The following PPFIBP2 variants were observed in gnomAD, a reference collection of about 807,000 sequenced individuals.
PPFIBP2 encodes PPFIB scaffold protein 2, also known as liprin-beta-2.
In PPFIBP2, 118 loss-of-function variants were observed where a neutral mutation model predicts 118.3. That is an observed-to-expected ratio of 1.00 (90% CI 0.86 to 1.16). The LOEUF is 1.16. Ranked by LOEUF, PPFIBP2 falls within the 50% of genes most tolerant of loss-of-function variation. The pLI is 0.00. For missense variants in PPFIBP2, 1,195 were observed against 1,073.1 expected (o/e 1.11, Z -1.59); for synonymous variants, 414 against 397.4 (o/e 1.04, Z -0.50).
intron 1 of PPFIBP2, among the ~76,000 whole-genome samples, chr11:7,533,070 A>C (rs552286520): frequency 6.6e-6 from 1 of 152,104 alleles, no homozygotes; most frequent in Non-Finnish European, 1.5e-5. Context: ...TTCTAAAATA[A>C]TGGAATAGGG....
At chr11:7,641,272 A>T (rs529984824) in intron 15 of PPFIBP2, among the ~76,000 whole-genome samples, 1 of 152,212 alleles carries the variant, frequency 6.6e-6, no homozygotes, top group Admixed American at 6.5e-5. Context: ...GCTCACCTAG[A>T]TTTGAAATAT....
At chr11:7,597,239 C>G (rs1860502093) in intron 4 of PPFIBP2, 1 of 1,529,350 alleles carries the variant, frequency 6.5e-7, no homozygotes, top group Admixed American at 2.0e-5. Flanking sequence ...CGGGGCTGTT[C>G]TGGAAGAGGA....
intron 17 of PPFIBP2, among the ~76,000 whole-genome samples, chr11:7,644,836 G>A (rs1852745424): frequency 1.3e-5 from 2 of 151,404 alleles, no homozygotes; most frequent in African/African-American, 2.4e-5. Flanking sequence ...GACCATCCCG[G>A]CTAAAACGGT....
intron 1 of PPFIBP2, among the ~76,000 whole-genome samples, chr11:7,545,854 G>A (rs1852270452): frequency 6.6e-6 from 1 of 152,176 alleles, no homozygotes; most frequent in African/African-American, 2.4e-5. Flanking sequence ...GTGATTAGAG[G>A]GTTAGAACTT....
At chr11:7,608,541 G>A (rs1260371477) in intron 5 of PPFIBP2, among the ~76,000 whole-genome samples, 2 of 152,238 alleles carry the variant, frequency 1.3e-5, no homozygotes, top group Non-Finnish European at 2.9e-5. Flanking sequence ...TCGGGAGGCT[G>A]AGGCAGGAGA....
intron 5 of PPFIBP2, 198 bp downstream of exon 5, chr11:7,597,871 G>T (rs1860663181): frequency 7.2e-6 from 4 of 552,128 alleles, no homozygotes; most frequent in Non-Finnish European, 1.3e-5. Flanking sequence ...GGTAGGGAAG[G>T]GAAGGGCTGC....
chr11:7,533,208 T>C (rs35811539), intron 1 of PPFIBP2, among the ~76,000 whole-genome samples: 9,580 of 152,142 alleles, frequency 0.063, 469 homozygotes, highest in Admixed American at 0.16. Flanking sequence ...AAGTTCCCCT[T>C]ATGGTAGAGA....
In PPFIBP2 at chr11:7,616,356, G is replaced by A. The variant is rs930804608; in HGVS notation, c.619-4579G>A. ...CTTCTTGATTTTCAAAATGGCAAAA[G>A]TTTGATAGATTCAGTAAATTTTAGT... is the stretch of plus-strand genomic sequence containing the variant. On this transcript the variant is annotated intron_variant, in intron 6 of 23. Transcript: ENST00000299492. The surrounding 1 kb of genome is among the most constrained non-coding windows in gnomAD (Gnocchi z 5.2). 6.6e-6 allele frequency among the ~76,000 whole-genome samples: 1 copy of A among 152,204 alleles called. No homozygotes were observed. Among genetic ancestry groups the A allele is most frequent in the Non-Finnish European group, 1.5e-5 (1 of 68,036 alleles).
chr11:7,610,297 C>A lies in PPFIBP2; in HGVS notation c.493C>A (p.Leu165Ile), dbSNP rs1413509240. 1 of 1,613,914 alleles carries A rather than the reference C, an allele frequency of 6.2e-7. No individual in the cohort carries two copies. Among genetic ancestry groups the A allele is most frequent in the Admixed American group, 1.7e-5 (1 of 60,030 alleles). Reference protein sequence around the residue: ...AAEEMLQQELLSRTSLETQKL... With the variant: ...AAEEMLQQELISRTSLETQKL... ...GATCTGTTTTTGCTTGCAGGAGCTGCTAAGCCGCACATCTCTTGAGACCCA... is the reference window on the plus strand; with the variant it reads ...GATCTGTTTTTGCTTGCAGGAGCTGATAAGCCGCACATCTCTTGAGACCCA... Residue 165 changes from leucine to isoleucine, a missense_variant, in exon 6 of 24, where the codon CTA becomes ATA. Coordinates refer to ENST00000299492, the MANE Select transcript of PPFIBP2 (RefSeq NM_003621.5).
chr11:7,520,244 G>A (rs114979283), intron 1 of PPFIBP2, among the ~76,000 whole-genome samples: 8,765 of 152,244 alleles, frequency 0.058, 377 homozygotes, highest in Admixed American at 0.13. Context: ...AACAAGAAGT[G>A]TCTCAGTTTG....
intron 2 of PPFIBP2, among the ~76,000 whole-genome samples, chr11:7,560,841 G>A (rs1854223450): frequency 6.6e-6 from 1 of 152,188 alleles, no homozygotes; most frequent in African/African-American, 2.4e-5. Flanking sequence ...ATTTACGTAG[G>A]TGAAAATTGA....
intron 1 of PPFIBP2, among the ~76,000 whole-genome samples, chr11:7,537,283 C>T (rs568518161): frequency 6.6e-6 from 1 of 152,298 alleles, no homozygotes; most frequent in South Asian, 2.1e-4. Context: ...GTACTATATC[C>T]CTCACAGGAC....
chr11:7,637,286 TG>T (rs1055287387), intron 14 of PPFIBP2, among the ~76,000 whole-genome samples: 2 of 152,348 alleles, frequency 1.3e-5, no homozygotes, highest in Middle Eastern at 3.4e-3. Flanking sequence ...ATATTCTAGA[TG>T]TAGTCTGACC....
At chr11:7,663,202 C>G in the PPFIBP2 span, among the ~76,000 whole-genome samples, 1 of 132,516 alleles carries the variant, frequency 7.5e-6, no homozygotes, top group Non-Finnish European at 1.8e-5. Flanking sequence ...GAGCTGCATT[C>G]CTTTGGAGGA....
At chr11:7,548,241 G>A (rs10769804) in intron 1 of PPFIBP2, 81,504 of 152,168 alleles carry the variant, frequency 0.54, 24,782 homozygotes, top group African/African-American at 0.84. Context: ...AGTGCAGTCC[G>A]GTGTGGTTCC....
At chr11:7,564,080 G>A (rs568161102) in intron 2 of PPFIBP2, among the ~76,000 whole-genome samples, 2 of 152,064 alleles carry the variant, frequency 1.3e-5, no homozygotes, top group South Asian at 4.2e-4. Context: ...GCAGGAGAAT[G>A]GCATGAACCT....
intron 5 of PPFIBP2, among the ~76,000 whole-genome samples, chr11:7,603,154 A>G (rs954373030): frequency 6.6e-6 from 1 of 152,210 alleles, no homozygotes; most frequent in Admixed American, 6.5e-5. Flanking sequence ...AATCTGTCTG[A>G]GGTGGGTAAG....
At chr11:7,619,790 A>G (rs1485728705) in intron 6 of PPFIBP2, among the ~76,000 whole-genome samples, 1 of 152,194 alleles carries the variant, frequency 6.6e-6, no homozygotes, top group Non-Finnish European at 1.5e-5. Flanking sequence ...CGTTAGATAG[A>G]TGGATATGGC....
chr11:7,657,062 T>G (rs115449388), downstream of PPFIBP2: 1,516 of 296,346 alleles, frequency 5.1e-3, 25 homozygotes, highest in African/African-American at 0.031. Flanking sequence ...TGCAGACCAC[T>G]TTGTGGGAGG....
Sources: gnomAD v4.1 joint callset for allele counts (sites outside exome capture counted in the v4.1 genomes callset) on GRCh38, gnomAD v4.1.1 for gene constraint, Gnocchi (gnomAD v3.1) non-coding constraint, MANE v1.5 for transcripts, NCBI Gene and HGNC (gene_info 2026-07-23, HGNC 2026-07-21) for gene names.